The following EIF2AK4 variants were observed in gnomAD, a reference collection of about 807,000 sequenced individuals.
The protein encoded by EIF2AK4 is eukaryotic translation initiation factor 2 alpha kinase 4.
A neutral mutation model predicts 211.1 loss-of-function variants in EIF2AK4; 139 were observed. The ratio of observed to expected loss-of-function variants is 0.66; its 90% CI spans 0.57 to 0.76. The LOEUF is 0.76. Ranked by LOEUF, EIF2AK4 falls within the 30% of genes least tolerant of loss-of-function variation. EIF2AK4 has a pLI of 0.00. For synonymous variants in EIF2AK4, 710 were observed against 751.3 expected (o/e 0.94, Z 0.90); for missense variants, 1,664 against 2,043.8 (o/e 0.81, Z 3.58).
At position 39,955,623 on chromosome 15, in the gene EIF2AK4, C is replaced by A. The variant is rs766718031; in HGVS notation, c.598C>A (p.Arg200Ser). The A allele has an allele frequency of 5.0e-6, 8 of 1,604,336 alleles. No homozygotes were observed. The highest frequency in any genetic ancestry group is 5.9e-6 in the Non-Finnish European group (7 of 1,177,244). The change falls in exon 6 of 39, where the codon CGT becomes AGT. Residue 200 changes from arginine to serine, a missense_variant. Coordinates refer to ENST00000263791, the MANE Select transcript of EIF2AK4 (RefSeq NM_001013703.4). ...KKRKEMAKQERLEIASLSNQD... is the reference protein window; with the variant it reads ...KKRKEMAKQESLEIASLSNQD... ...AGTTTTACTTTTCTTGTTCTAGGAA[C>A]GTTTGGAAATTGCTAGTTTGTCAAA...
At chr15:39,996,867 A>C in intron 18 of EIF2AK4, 97 bp from the exon 19 acceptor site, 1 of 889,340 alleles carries the variant, frequency 1.1e-6, no homozygotes, top group South Asian at 1.5e-5. Flanking sequence ...GTACTCCTAC[A>C]AACTTTATTT....
At chr15:40,023,163 C>T (rs1277271299) in intron 32 of EIF2AK4, among the ~76,000 whole-genome samples, 1 of 152,150 alleles carries the variant, frequency 6.6e-6, no homozygotes, top group Non-Finnish European at 1.5e-5. Flanking sequence ...TTCTCTTTTT[C>T]CAGCTAAGAA....
intron 34 of EIF2AK4, 79 bp downstream of exon 34, chr15:40,029,543 T>G: frequency 7.1e-7 from 1 of 1,398,666 alleles, no homozygotes; most frequent in Non-Finnish European, 9.8e-7. Context: ...GCTAACTGCT[T>G]GTGACACTGG....
intron 3 of EIF2AK4, among the ~76,000 whole-genome samples, chr15:39,946,076 A>G (rs2034223934): frequency 6.6e-6 from 1 of 152,226 alleles, no homozygotes; most frequent in South Asian, 2.1e-4. Flanking sequence ...CACAACATCC[A>G]TTCTGTAGCC....
In EIF2AK4 at chr15:39,992,229, G is replaced by A. The variant is rs1162546738; in HGVS notation, c.2686G>A (p.Gly896Ser). Residue 896 changes from glycine (G) to serine (S), a missense_variant and splice_region_variant, in exon 17 of 39, where the codon GGT (glycine) becomes AGT (serine). Gly to Ser is a moderately conservative substitution (Grantham distance 56, BLOSUM62 0). Transcript: ENST00000263791. ...AGACTTGATTAAGTCAGACCCTTCA[G>A]GTAAACCCAGAAGACTATATATTTC... Reference protein sequence around the residue: ...TGDLIKSDPSGHLTGMVGTAL... With the variant: ...TGDLIKSDPSSHLTGMVGTAL... 7 of 1,609,566 alleles carry A rather than the reference G, an allele frequency of 4.3e-6. No homozygotes were observed. The highest frequency in any genetic ancestry group is 1.3e-5 in the African/African-American group (1 of 74,834).
chr15:39,936,811 G>C (rs2140894459), intron 1 of EIF2AK4, among the ~76,000 whole-genome samples: 1 of 152,228 alleles, frequency 6.6e-6, no homozygotes. Flanking sequence ...ACCTTCCTCA[G>C]TGTCTGGGGC....
At chr15:39,955,234 T>G (rs779105832) in intron 5 of EIF2AK4, among the ~76,000 whole-genome samples, 44 of 152,232 alleles carry the variant, frequency 2.9e-4, no homozygotes, top group Admixed American at 3.3e-4. Context: ...ATTTACATTT[T>G]CTTGAAACCA....
At chr15:39,956,123 A>C (rs2034389012) in intron 6 of EIF2AK4, among the ~76,000 whole-genome samples, 1 of 150,288 alleles carries the variant, frequency 6.7e-6, no homozygotes, top group Non-Finnish European at 1.5e-5. Flanking sequence ...CTCCTGCCTC[A>C]GCCTCCCAAG....
chr15:39,936,850 T>C (rs1416293162), intron 1 of EIF2AK4, among the ~76,000 whole-genome samples: 1 of 152,178 alleles, frequency 6.6e-6, no homozygotes, highest in African/African-American at 2.4e-5. Context: ...CAATGAAACA[T>C]AGAAATACTC....
intron 29 of EIF2AK4, among the ~76,000 whole-genome samples, chr15:40,017,620 C>T (rs1038082559): frequency 6.9e-6 from 1 of 145,554 alleles, no homozygotes; most frequent in Non-Finnish European, 1.5e-5. Flanking sequence ...TCTTGGCTCA[C>T]AGCAGCCTCG....
At chr15:39,951,937 T>C (rs1384342471) in intron 4 of EIF2AK4, among the ~76,000 whole-genome samples, 1 of 152,240 alleles carries the variant, frequency 6.6e-6, no homozygotes, top group Non-Finnish European at 1.5e-5. Flanking sequence ...TATTTGTCAA[T>C]GATCTGTTCA....
intron 21 of EIF2AK4, among the ~76,000 whole-genome samples, chr15:40,001,642 A>AT (rs1417847979): frequency 1.3e-5 from 2 of 151,712 alleles, no homozygotes; most frequent in East Asian, 3.9e-4. Context: ...TCAAAAAAAA[A>AT]AAAAAAAAAG....
chr15:39,988,255 A>C (rs759111871), intron 15 of EIF2AK4, 150 bp downstream of exon 15: 1 of 831,940 alleles, frequency 1.2e-6, no homozygotes, highest in Non-Finnish European at 1.8e-6. Context: ...GAAATAGAAC[A>C]AAGTGTCAAA....
intron 30 of EIF2AK4, 144 bp downstream of exon 30, chr15:40,019,344 G>A: frequency 1.7e-6 from 1 of 599,264 alleles, no homozygotes; most frequent in Admixed American, 3.6e-5. Context: ...TAATATGATA[G>A]ACAAGCCTAA....
In EIF2AK4 at chr15:40,022,499, A is replaced by G; in HGVS notation, c.4303-20A>G. On this transcript the variant is annotated intron_variant, in intron 31 of 38. Coordinates refer to ENST00000263791, the MANE Select transcript of EIF2AK4 (RefSeq NM_001013703.4). ...CAGGTGCTCTGTGTTTATTTTCTTT[A>G]CTATGTTTGTTTGTTTCAGTCCCAA... The G allele has an allele frequency of 6.2e-7, 1 of 1,602,934 alleles. No homozygotes were observed. The highest frequency in any genetic ancestry group is 8.5e-7 in the Non-Finnish European group (1 of 1,171,188).
intron 13 of EIF2AK4, among the ~76,000 whole-genome samples, chr15:39,979,599 AT>A (rs779456883): frequency 2.0e-5 from 3 of 152,230 alleles, no homozygotes; most frequent in Non-Finnish European, 4.4e-5. Flanking sequence ...GTACTGACAA[AT>A]TTTGGTAAAC....
At position 39,934,306 on chromosome 15, in the gene EIF2AK4, C is replaced by T; in HGVS notation, c.111C>T (p.Asp37=). 1.2e-6 allele frequency: 2 copies of T among 1,611,856 alleles called. No individual in the cohort carries two copies. Among genetic ancestry groups the T allele is most frequent in the Non-Finnish European group, 1.7e-6 (2 of 1,179,076 alleles). Reference sequence around the variant, plus strand: ...CCCTGGAGGCCATTTACGGCGCGGACTTCCAAGACCTGCGGCCGGACGCTT... The same window carrying T: ...CCCTGGAGGCCATTTACGGCGCGGATTTCCAAGACCTGCGGCCGGACGCTT... ...LQALEAIYGA[D]FQDLRPDACG... is the part of the protein sequence containing the mutation. The change falls in exon 1 of 39, where the codon GAC becomes GAT. Residue 37 remains aspartate, a synonymous_variant. Transcript: ENST00000263791.
intron 13 of EIF2AK4, among the ~76,000 whole-genome samples, chr15:39,978,751 G>A (rs959120264): frequency 6.6e-6 from 1 of 152,000 alleles, no homozygotes; most frequent in South Asian, 2.1e-4. Context: ...ATTTTTTTTT[G>A]AGATTGTGCT....
intron 23 of EIF2AK4, among the ~76,000 whole-genome samples, chr15:40,005,633 G>C (rs1286428787): frequency 6.7e-6 from 1 of 150,296 alleles, no homozygotes; most frequent in Non-Finnish European, 1.5e-5. Flanking sequence ...GGGCAGTGGC[G>C]TGATTTCAGC....
Sources: allele counts gnomAD v4.1 joint callset (sites outside exome capture counted in the v4.1 genomes callset), GRCh38; gene constraint gnomAD v4.1.1; transcripts MANE v1.5; gene names NCBI Gene and HGNC (gene_info 2026-07-23, HGNC 2026-07-21).